OPRM1: variants seen among roughly 807,000 people sequenced by gnomAD.
The protein encoded by OPRM1 is opioid receptor mu 1, also known as mu-type opioid receptor.
OPRM1 carries 27 observed loss-of-function variants against 31.8 expected under a neutral mutation model. The ratio of observed to expected loss-of-function variants is 0.85; its 90% CI spans 0.63 to 1.17. The LOEUF is 1.17. Ranked by LOEUF, OPRM1 falls within the 50% of genes most tolerant of loss-of-function variation. The pLI is 0.00. For missense variants in OPRM1, 536 were observed against 511.1 expected (o/e 1.05, Z -0.47); for synonymous variants, 196 against 189.9 (o/e 1.03, Z -0.26).
intron 3 of OPRM1, chr6:154,154,814 T>C (rs17085103): frequency 6.6e-6 from 1 of 152,376 alleles, no homozygotes; most frequent in African/African-American, 2.4e-5. Flanking sequence ...TTTAGAGGGG[T>C]AGCTGACACA....
In OPRM1 at chr6:154,018,999, A is replaced by T. The variant is rs75981004; in HGVS notation, c.-1+7981A>T. On this transcript the variant is annotated intron_variant, in intron 1 of 5. Coordinates refer to the OPRM1 transcript ENST00000434900. The stretch of plus-strand genomic sequence containing the variant: ...TTTGATGGGTGCCTAGTAGGTGTAT[A>T]TACTTATAGGGTACATGGTATGTTT... Among the ~76,000 whole-genome samples the T allele has an allele frequency of 2.8e-3, 425 of 152,088 alleles. 1 individual carries two copies. Among genetic ancestry groups the T allele is most frequent in the Admixed American group, 4.7e-3 (71 of 15,260 alleles).
At chr6:154,020,283 G>C (rs1315357540) in intron 1 of OPRM1, among the ~76,000 whole-genome samples, 1 of 152,104 alleles carries the variant, frequency 6.6e-6, no homozygotes, top group African/African-American at 2.4e-5. Context: ...TTGCCAAACT[G>C]TTTTCAACAG....
chr6:154,203,907 A>C (rs1777274342), intron 3 of OPRM1, among the ~76,000 whole-genome samples: 1 of 152,208 alleles, frequency 6.6e-6, no homozygotes, highest in South Asian at 2.1e-4. Context: ...TGAGTGATTT[A>C]TCCGAATCCC....
chr6:154,077,957 G>T (rs539654911), intron 1 of OPRM1, among the ~76,000 whole-genome samples: 131 of 151,346 alleles, frequency 8.7e-4, no homozygotes, highest in African/African-American at 3.2e-3. Context: ...CAGGTATTTT[G>T]CCAAAGGCAG....
At chr6:154,171,159 T>C (rs1010764031) in intron 3 of OPRM1, among the ~76,000 whole-genome samples, 1 of 152,214 alleles carries the variant, frequency 6.6e-6, no homozygotes, top group African/African-American at 2.4e-5. Flanking sequence ...ACAAAAATTG[T>C]ACATGAATGT....
chr6:154,018,487 T>C (rs1778142407), intron 1 of OPRM1, among the ~76,000 whole-genome samples: 1 of 149,856 alleles, frequency 6.7e-6, no homozygotes, highest in Non-Finnish European at 1.5e-5. Flanking sequence ...TCTCATTTTC[T>C]ATTGTGCCCC....
intron 3 of OPRM1, among the ~76,000 whole-genome samples, chr6:154,183,002 C>T (rs143006122): frequency 4.7e-4 from 71 of 150,918 alleles, no homozygotes; most frequent in Admixed American, 2.7e-3. Flanking sequence ...TTTTTTGAGA[C>T]GGACTCTCGC....
intron 3 of OPRM1, among the ~76,000 whole-genome samples, chr6:154,241,332 G>C (rs1780575853): frequency 6.6e-6 from 1 of 151,484 alleles, no homozygotes; most frequent in African/African-American, 2.4e-5. Flanking sequence ...CCTTGAACTG[G>C]TGATGCAATG....
chr6:154,011,051 A>T, intron 1 of OPRM1: 1 of 1,289,092 alleles, frequency 7.8e-7, no homozygotes, highest in Non-Finnish European at 1.0e-6. Context: ...TGTTGAAGAA[A>T]TCCTTTTCAT....
Position 154,227,901 on chromosome 6 carries a change from C to A in OPRM1, c.1165-18792C>A, listed in dbSNP as rs545611346. 1.3e-4 allele frequency among the ~76,000 whole-genome samples: 19 copies of A among 150,886 alleles called. 2 individuals carry two copies. Among genetic ancestry groups the A allele is most frequent in the South Asian group, 6.3e-4 (3 of 4,762 alleles). ...GAAATTATCACTTTATAAGCAGAAG[C>A]TTTTTTTTTATTCTGAAGACAGTTG... On this transcript the variant is annotated intron_variant, in intron 3 of 3. Transcript: ENST00000337049.
chr6:154,013,362 A>G (rs1013724818), intron 1 of OPRM1, among the ~76,000 whole-genome samples: 1 of 152,160 alleles, frequency 6.6e-6, no homozygotes, highest in African/African-American at 2.4e-5. Flanking sequence ...GAGAGAATAA[A>G]CTGAGAAATT....
At chr6:154,167,764 G>A (rs989985822) in intron 3 of OPRM1, among the ~76,000 whole-genome samples, 18 of 152,260 alleles carry the variant, frequency 1.2e-4, no homozygotes, top group Admixed American at 7.9e-4. Flanking sequence ...CTTTAAGAAC[G>A]TCAAGATCAT....
In OPRM1 at chr6:154,180,414, A is replaced by ATATTTT. The variant is rs1241250621; in HGVS notation, c.1165-66278_1165-66277insATTTTT. The stretch of plus-strand genomic sequence containing the variant: ...TATATATATATATATATATATATAT[A>ATATTTT]TTTTTTTTTTAAACATGATCCTTCT... On this transcript the variant is annotated intron_variant, in intron 3 of 3. Transcript: ENST00000337049. Among the ~76,000 whole-genome samples the ATATTTT allele has an allele frequency of 3.5e-3, 227 of 65,194 alleles. 1 individual carries two copies. The highest frequency in any genetic ancestry group is 9.7e-3 in the African/African-American group (201 of 20,796). 42.8% of individuals were successfully genotyped at this position (65,194 alleles called of 152,430 possible).
intron 3 of OPRM1, chr6:154,108,165 T>A: frequency 2.1e-6 from 1 of 484,954 alleles, no homozygotes; most frequent in Non-Finnish European, 3.7e-6. Flanking sequence ...AAGGAAATTT[T>A]TTTTTTTCAT....
Position 154,081,608 on chromosome 6 carries a change from G to T in OPRM1, c.291-8218G>T, listed in dbSNP as rs191841666. ...TGACTGTTACAGCATTCACTATAAC[G>T]AGAAAATGTCTCAAGATTTCCAAGA... On this transcript the variant is annotated intron_variant, in intron 1 of 3. Coordinates refer to ENST00000330432, the MANE Select transcript of OPRM1 (RefSeq NM_000914.5). 3.1e-3 allele frequency among the ~76,000 whole-genome samples: 468 copies of T among 152,254 alleles called. 1 individual carries two copies. The highest frequency in any genetic ancestry group is 5.7e-3 in the Non-Finnish European group (385 of 68,016).
intron 1 of OPRM1, among the ~76,000 whole-genome samples, chr6:154,070,895 C>T (rs986840801): frequency 5.9e-5 from 9 of 152,166 alleles, no homozygotes; most frequent in Non-Finnish European, 1.3e-4. Flanking sequence ...GTTGGTATGA[C>T]TCAGGAATCT....
At chr6:154,118,276 G>A (rs1797081532) in intron 3 of OPRM1, among the ~76,000 whole-genome samples, 1 of 152,050 alleles carries the variant, frequency 6.6e-6, no homozygotes, top group African/African-American at 2.4e-5. Flanking sequence ...AAATAAATAA[G>A]ATCAGAAGTA....
At chr6:154,141,796 T>A (rs1213252403) in intron 3 of OPRM1, among the ~76,000 whole-genome samples, 1 of 152,232 alleles carries the variant, frequency 6.6e-6, no homozygotes, top group Non-Finnish European at 1.5e-5. Flanking sequence ...TATGCATTTA[T>A]CTCAGTGAGT....
At chr6:154,046,074 T>C (rs1781058547) in intron 1 of OPRM1, among the ~76,000 whole-genome samples, 1 of 152,232 alleles carries the variant, frequency 6.6e-6, no homozygotes, top group East Asian at 1.9e-4. Flanking sequence ...TCCTTCCTGT[T>C]ATTTTATAAT....
Sources: allele counts gnomAD v4.1 joint callset (sites outside exome capture counted in the v4.1 genomes callset), GRCh38; gene constraint gnomAD v4.1.1; transcripts MANE v1.5; gene names NCBI Gene and HGNC (gene_info 2026-07-23, HGNC 2026-07-21).